Variants in NAV2 observed in about 807,000 individuals in gnomAD.
NAV2 encodes helicase, APC down-regulated 1.
In NAV2, 54 loss-of-function variants were observed where a neutral mutation model predicts 223.2. The ratio of observed to expected loss-of-function variants is 0.24; its 90% confidence interval spans 0.19 to 0.30. The LOEUF (loss-of-function observed/expected upper bound fraction) is 0.30. NAV2 is among the 10% of genes least tolerant of loss of function. NAV2 has a pLI of 1.00. For missense variants in NAV2, 2,806 were observed against 3,147.5 expected (o/e 0.89, Z 2.60); for synonymous variants, 1,279 against 1,239.3 (o/e 1.03, Z -0.67).
At chr11:19,585,970 A>C (rs1053922464) in intron 1 of NAV2, among the ~76,000 whole-genome samples, 2 of 152,098 alleles carry the variant, frequency 1.3e-5, no homozygotes, top group African/African-American at 4.8e-5. Context: ...TATCCTGCAG[A>C]GTGTTTTCCA....
chr11:20,055,843 G>T lies in NAV2; in HGVS notation c.4717G>T (p.Asp1573Tyr), dbSNP rs1366236274. The change falls in exon 19 of 38, where the codon GAT becomes TAT. Residue 1573 changes from aspartate (D) to tyrosine (Y), a missense_variant. By Grantham distance (160) the Asp-to-Tyr change is radical (BLOSUM62 -3). Around this residue, in one of 4 missense-constraint regions of NAV2, gnomAD observed 742 missense variants for 777.9 expected, o/e 0.95. Coordinates refer to ENST00000349880, the MANE Select transcript of NAV2 (RefSeq NM_145117.5). Reference sequence around the variant, plus strand: ...GAGGACTCACAGCCTCTCCAATGCTGATGGGCAGTATGATCCATACACTGA... The same window carrying T: ...GAGGACTCACAGCCTCTCCAATGCTTATGGGCAGTATGATCCATACACTGA... Reference protein sequence around the residue: ...MLRTHSLSNADGQYDPYTDSR... With the variant: ...MLRTHSLSNAYGQYDPYTDSR... 1.2e-6 allele frequency: 2 copies of T among 1,614,176 alleles called. No homozygotes were observed. The highest frequency in any genetic ancestry group is 8.5e-7 in the Non-Finnish European group (1 of 1,180,028).
chr11:20,067,085 TG>T (rs1456512335), intron 20 of NAV2, among the ~76,000 whole-genome samples: 2 of 152,118 alleles, frequency 1.3e-5, no homozygotes, highest in African/African-American at 4.8e-5. Flanking sequence ...AGAGCCAGCA[TG>T]TAAGGGACAA....
intron 3 of NAV2, among the ~76,000 whole-genome samples, chr11:19,843,448 G>C (rs906908618): frequency 1.3e-5 from 2 of 152,088 alleles, no homozygotes; most frequent in Non-Finnish European, 2.9e-5. Flanking sequence ...TATTCTCTCT[G>C]GCATGATGCA....
At chr11:19,467,340 AAAT>A (rs1285347362) in intron 1 of NAV2, among the ~76,000 whole-genome samples, 2 of 152,188 alleles carry the variant, frequency 1.3e-5, no homozygotes, top group Non-Finnish European at 2.9e-5. Context: ...AGTTTCTTCA[AAAT>A]AATATTATTT....
chr11:19,420,529 A>G (rs973506900), intron 1 of NAV2, among the ~76,000 whole-genome samples: 4 of 152,258 alleles, frequency 2.6e-5, no homozygotes, highest in Non-Finnish European at 5.9e-5. Context: ...CATTAAAGAT[A>G]GAATGAAGTC....
chr11:20,055,805 A>G lies in NAV2; in HGVS notation c.4679A>G (p.Asn1560Ser), dbSNP rs765456787. 1.2e-6 allele frequency: 2 copies of G among 1,614,060 alleles called. No individual in the cohort carries two copies. Among genetic ancestry groups the G allele is most frequent in the African/African-American group, 1.3e-5 (1 of 75,012 alleles). The change falls in exon 19 of 38, where the codon AAC (asparagine) becomes AGC (serine). Residue 1560 changes from asparagine to serine, a missense_variant. By Grantham distance (46) the Asn-to-Ser change is conservative. Around this residue, in one of 4 missense-constraint regions of NAV2, gnomAD observed 742 missense variants for 777.9 expected, o/e 0.95. Transcript: ENST00000349880. ...PTTVTQMSLSNPTMLRTHSLS... is the reference protein window; with the variant it reads ...PTTVTQMSLSSPTMLRTHSLS... ...ACTGTCACCCAGATGAGCTTGTCCAACCCGACCATGCTGAGGACTCACAGC... is the reference window on the plus strand; with the variant it reads ...ACTGTCACCCAGATGAGCTTGTCCAGCCCGACCATGCTGAGGACTCACAGC...
rs116676662 is a variant in NAV2 at position 19,877,842 on chromosome 11, T to C, written c.512-2027T>C. ...GTGACTATAGATATGTCACTTCACC[T>C]TGTGGGCCTTTGTTTTCCCATAAGT... On this transcript the variant is annotated intron_variant, in intron 4 of 37. Transcript: ENST00000349880. 2.4e-3 allele frequency among the ~76,000 whole-genome samples: 362 copies of C among 152,278 alleles called. 2 individuals carry two copies. The highest frequency in any genetic ancestry group is 8.4e-3 in the African/African-American group (351 of 41,540).
At chr11:19,595,831 G>A (rs1275048343) in intron 1 of NAV2, among the ~76,000 whole-genome samples, 1 of 146,730 alleles carries the variant, frequency 6.8e-6, no homozygotes, top group African/African-American at 2.7e-5. Flanking sequence ...CAAAGTGCTG[G>A]GATTACAGGC....
At chr11:19,498,223 CT>C (rs1196609632) in intron 1 of NAV2, among the ~76,000 whole-genome samples, 1 of 152,188 alleles carries the variant, frequency 6.6e-6, no homozygotes, top group Non-Finnish European at 1.5e-5. Flanking sequence ...GCAGCACCCC[CT>C]GATCTTATTA....
chr11:19,352,094 T>C (rs969203949), intron 1 of NAV2, among the ~76,000 whole-genome samples: 2 of 152,098 alleles, frequency 1.3e-5, no homozygotes, highest in African/African-American at 4.8e-5. Flanking sequence ...TTGACTCCAT[T>C]CCTAACAAAA....
rs2047211359 is a variant in NAV2 at position 19,627,735 on chromosome 11, T to A, written c.76-204749T>A. On this transcript the variant is annotated intron_variant, in intron 1 of 37. Coordinates refer to the NAV2 transcript ENST00000360655. Reference sequence around the variant, plus strand: ...AAGAGAACATGCCCCCTTCTGGACCTCAGTCTCCCATCTATGCACTGACGG... The same window carrying A: ...AAGAGAACATGCCCCCTTCTGGACCACAGTCTCCCATCTATGCACTGACGG... Among the ~76,000 whole-genome samples the A allele has an allele frequency of 2.0e-5, 3 of 151,902 alleles. No individual in the cohort carries two copies. The South Asian group carries it at 6.2e-4, about 32-fold the overall frequency.
At chr11:19,885,438 C>T (rs1335118856) in intron 5 of NAV2, among the ~76,000 whole-genome samples, 1 of 152,204 alleles carries the variant, frequency 6.6e-6, no homozygotes, top group Non-Finnish European at 1.5e-5. Flanking sequence ...TCTCACACTG[C>T]CCTTGTGGCA....
chr11:19,468,456 A>C (rs1165347040), intron 1 of NAV2, among the ~76,000 whole-genome samples: 3 of 150,810 alleles, frequency 2.0e-5, no homozygotes, highest in Non-Finnish European at 3.0e-5. Flanking sequence ...TGACAACATC[A>C]CTCTGATCTC....
chr11:20,116,985 C>G (rs996669115), intron 37 of NAV2, among the ~76,000 whole-genome samples: 1 of 152,160 alleles, frequency 6.6e-6, no homozygotes, highest in African/African-American at 2.4e-5. Flanking sequence ...TATACTTCAG[C>G]TCTGCCTCTT....
At chr11:19,548,624 T>C (rs1440489622) in intron 1 of NAV2, among the ~76,000 whole-genome samples, 1 of 151,792 alleles carries the variant, frequency 6.6e-6, no homozygotes, top group Non-Finnish European at 1.5e-5. Context: ...ATCCCAGCAC[T>C]TTGGGAGGCC....
At chr11:20,055,104 A>C (rs1401196167) in intron 18 of NAV2, among the ~76,000 whole-genome samples, 1 of 152,224 alleles carries the variant, frequency 6.6e-6, no homozygotes, top group Non-Finnish European at 1.5e-5. Context: ...GCTTTTCTGA[A>C]TATAGTGAAT....
At chr11:19,500,394 T>A (rs970364297) in intron 1 of NAV2, among the ~76,000 whole-genome samples, 2 of 152,154 alleles carry the variant, frequency 1.3e-5, no homozygotes, top group Admixed American at 6.5e-5. Context: ...AGATACAGAC[T>A]TTTAGGGTAG....
chr11:19,850,591 A>G (rs2061057265), intron 3 of NAV2, among the ~76,000 whole-genome samples: 1 of 152,186 alleles, frequency 6.6e-6, no homozygotes, highest in Non-Finnish European at 1.5e-5. Context: ...GATTTAAGAA[A>G]TAGATATGTA....
Position 19,713,512 on chromosome 11 carries a change from C to T in NAV2, c.-184C>T. 5.0e-6 allele frequency: 7 copies of T among 1,392,584 alleles called. No individual in the cohort carries two copies. Among genetic ancestry groups the T allele is most frequent in the Non-Finnish European group, 6.5e-6 (7 of 1,079,034 alleles). 86.3% of individuals were successfully genotyped at this position (1,392,584 alleles called of 1,614,324 possible). On this transcript the variant is annotated 5_prime_UTR_variant, in exon 1 of 38. Transcript: ENST00000349880. The surrounding 1 kb of genome is among the most constrained non-coding windows in gnomAD (Gnocchi z 7.2). ...CAGTCCCCCATTCCCATCCCGGCAC[C>T]CCAAAGGCGCGCTCGCCCGATTGCT...
Sources: gnomAD v4.1 joint callset for allele counts (sites outside exome capture counted in the v4.1 genomes callset) on GRCh38, gnomAD v4.1.1 for gene constraint, gnomAD v4.1.1 regional missense constraint, Gnocchi (gnomAD v3.1) non-coding constraint, MANE v1.5 for transcripts, NCBI Gene and HGNC (gene_info 2026-07-23, HGNC 2026-07-21) for gene names.